PDE3A: variants seen among roughly 807,000 people sequenced by gnomAD.
The protein encoded by PDE3A is phosphodiesterase 3A, also known as cGMP-inhibited 3',5'-cyclic phosphodiesterase 3A.
In PDE3A, 43 loss-of-function variants were observed where a neutral mutation model predicts 98.3. The observed-to-expected ratio is 0.44, with a 90% CI of 0.34 to 0.56. The LOEUF is 0.56. Among genes scored for constraint, PDE3A ranks in the 20% least tolerant of loss-of-function variants. PDE3A has a pLI of 0.01. For synonymous variants in PDE3A, 663 were observed against 567.9 expected (o/e 1.17, Z -2.38); for missense variants, 1,427 against 1,440.7 (o/e 0.99, Z 0.15).
intron 1 of PDE3A, among the ~76,000 whole-genome samples, chr12:20,431,633 G>A (rs879743629): frequency 9.5e-5 from 14 of 147,364 alleles, no homozygotes; most frequent in Non-Finnish European, 1.7e-4. Flanking sequence ...GCACACACAC[G>A]CACGCACAAA....
chr12:20,630,701 C>G (rs1356131053), intron 6 of PDE3A, among the ~76,000 whole-genome samples: 2 of 152,096 alleles, frequency 1.3e-5, no homozygotes, highest in Non-Finnish European at 2.9e-5. Flanking sequence ...AAAAAAATGG[C>G]CTAGCATGGC....
chr12:20,370,325 G>C (rs1591850959), intron 1 of PDE3A, 81 bp downstream of exon 1: 1 of 1,263,214 alleles, frequency 7.9e-7, no homozygotes, highest in Admixed American at 2.6e-5. Context: ...GAATCCGAGC[G>C]CTGGGAACTA....
chr12:20,511,433 C>G (rs1271713343), intron 1 of PDE3A, among the ~76,000 whole-genome samples: 1 of 151,702 alleles, frequency 6.6e-6, no homozygotes, highest in Non-Finnish European at 1.5e-5. Flanking sequence ...CACACACACA[C>G]ACACACACAC....
At chr12:20,598,036 C>T (rs1172188130) in intron 2 of PDE3A, among the ~76,000 whole-genome samples, 2 of 152,022 alleles carry the variant, frequency 1.3e-5, no homozygotes, top group East Asian at 1.9e-4. Context: ...AGAGAAAACA[C>T]ACTCTGTTTT....
At chr12:20,639,223 A>ATT (rs756943517) in intron 9 of PDE3A, among the ~76,000 whole-genome samples, 1 of 152,046 alleles carries the variant, frequency 6.6e-6, no homozygotes, top group Non-Finnish European at 1.5e-5. Context: ...GCTACAAAAT[A>ATT]TTTTCTAAGA....
intron 1 of PDE3A, among the ~76,000 whole-genome samples, chr12:20,398,273 T>A (rs186904642): frequency 8.8e-5 from 13 of 148,324 alleles, no homozygotes; most frequent in African/African-American, 3.2e-4. Flanking sequence ...GCATGGCCCA[T>A]TTGCAAAAAT....
At chr12:20,404,842 T>G (rs1024896982) in intron 1 of PDE3A, among the ~76,000 whole-genome samples, 2 of 149,222 alleles carry the variant, frequency 1.3e-5, no homozygotes, top group African/African-American at 2.5e-5. Flanking sequence ...TTTTTTTTTT[T>G]TTTTTTGAGC....
At chr12:20,497,215 C>A (rs1453773675) in intron 1 of PDE3A, among the ~76,000 whole-genome samples, 1 of 152,032 alleles carries the variant, frequency 6.6e-6, no homozygotes, top group Non-Finnish European at 1.5e-5. Flanking sequence ...GATTCTGATA[C>A]AACTGATTAA....
intron 4 of PDE3A, among the ~76,000 whole-genome samples, chr12:20,620,276 T>A (rs1944101772): frequency 1.3e-5 from 2 of 151,998 alleles, no homozygotes; most frequent in African/African-American, 4.8e-5. Flanking sequence ...ACATTGCCAA[T>A]CTAAGATTGG....
chr12:20,422,314 A>C (rs1052095506), intron 1 of PDE3A, among the ~76,000 whole-genome samples: 1 of 152,064 alleles, frequency 6.6e-6, no homozygotes, highest in Non-Finnish European at 1.5e-5. Flanking sequence ...ACTGCACTCC[A>C]GCCTGGGCAA....
chr12:20,438,102 C>G (rs186458987), intron 1 of PDE3A, among the ~76,000 whole-genome samples: 2 of 152,170 alleles, frequency 1.3e-5, no homozygotes, highest in East Asian at 1.9e-4. Flanking sequence ...ATAGCTGATT[C>G]TCTCTCGAGA....
intron 1 of PDE3A, among the ~76,000 whole-genome samples, chr12:20,428,657 G>A (rs2120789827): frequency 6.6e-6 from 1 of 152,078 alleles, no homozygotes; most frequent in South Asian, 2.1e-4. Flanking sequence ...CAGAATATAG[G>A]CCACTTTACA....
intron 1 of PDE3A, among the ~76,000 whole-genome samples, chr12:20,505,504 G>A (rs935082620): frequency 1.3e-5 from 2 of 151,992 alleles, no homozygotes; most frequent in African/African-American, 4.8e-5. Context: ...GTACTGAAGT[G>A]TTTTATTTAC....
chr12:20,545,787 AAAACAAAAC>A (rs1942039457), intron 1 of PDE3A, among the ~76,000 whole-genome samples: 1 of 149,386 alleles, frequency 6.7e-6, no homozygotes, highest in South Asian at 2.1e-4. Context: ...CAAAAAAAAA[AAAACAAAAC>A]AAAACAAAAC....
rs150113631 is a variant in PDE3A at position 20,530,525 on chromosome 12, T to A, written c.961-26135T>A. 1.1e-3 allele frequency among the ~76,000 whole-genome samples: 163 copies of A among 151,546 alleles called. 2 individuals carry two copies. The East Asian group carries it at 0.028, about 26-fold the overall frequency. ...TTTTTTAAGAGATGGGGTCTCACTG[T>A]GTAACTCAGGCTGGACTCTAGCTCC... On this transcript the variant is annotated intron_variant, in intron 1 of 15. Coordinates refer to ENST00000359062, the MANE Select transcript of PDE3A (RefSeq NM_000921.5).
chr12:20,679,967 G>A (rs547870789), intron 15 of PDE3A, 63 bp from the exon 16 acceptor site: 157 of 1,151,434 alleles, frequency 1.4e-4, no homozygotes, highest in Admixed American at 2.2e-4. Context: ...AAGAGATAAC[G>A]TTCATGTGCT....
intron 1 of PDE3A, among the ~76,000 whole-genome samples, chr12:20,407,717 A>T (rs1245774192): frequency 6.6e-6 from 1 of 152,124 alleles, no homozygotes; most frequent in East Asian, 1.9e-4. Flanking sequence ...TTAGCTTTTT[A>T]TAAACTTATA....
rs746435617 is a variant in PDE3A, at chr12:20,453,173, C to CCTT, written c.960+82929_960+82930insCTT. The stretch of plus-strand genomic sequence containing the variant: ...GTTTTGGATGACAAACTTGATAATG[C>CCTT]TTTTTTTTTTTTTTTTTTGAGACTG... On this transcript the variant is annotated intron_variant, in intron 1 of 15. Coordinates refer to ENST00000359062, the MANE Select transcript of PDE3A (RefSeq NM_000921.5). Among the ~76,000 whole-genome samples, 3 of 124,616 alleles carry CCTT rather than the reference C, an allele frequency of 2.4e-5. No individual in the cohort carries two copies. The Admixed American group carries it at 2.6e-4, about 11-fold the overall frequency. The allele number at this position is 124,616 out of a possible 152,430, so 81.8% of individuals were successfully genotyped here.
intron 15 of PDE3A, among the ~76,000 whole-genome samples, chr12:20,668,789 CA>C (rs1270467913): frequency 1.3e-5 from 2 of 151,588 alleles, no homozygotes; most frequent in African/African-American, 4.9e-5. Flanking sequence ...AAAAGCAGAG[CA>C]CCAATCCTCC....
Sources: allele counts gnomAD v4.1 joint callset (sites outside exome capture counted in the v4.1 genomes callset), GRCh38; gene constraint gnomAD v4.1.1; transcripts MANE v1.5; gene names NCBI Gene and HGNC (gene_info 2026-07-23, HGNC 2026-07-21).